Variants in ANGPTL5 observed in about 807,000 individuals in gnomAD.
ANGPTL5 encodes angiopoietin-related protein 5.
In ANGPTL5, 34 loss-of-function variants were observed where a neutral mutation model predicts 39.4. The ratio of observed to expected loss-of-function variants is 0.86; its 90% CI spans 0.66 to 1.15. The LOEUF is 1.15. Among genes scored for constraint, ANGPTL5 ranks in the 50% most tolerant of loss-of-function variants. ANGPTL5 has a pLI of 0.00. For missense variants in ANGPTL5, 467 were observed against 457.5 expected (o/e 1.02, Z -0.19); for synonymous variants, 146 against 152.1 (o/e 0.96, Z 0.29).
chr11:101,908,854 A>T (rs1327596482), intron 1 of ANGPTL5, among the ~76,000 whole-genome samples: 1 of 152,144 alleles, frequency 6.6e-6, no homozygotes, highest in African/African-American at 2.4e-5. Flanking sequence ...TCTAATTACA[A>T]CTATTTTGTT....
chr11:101,906,488 T>G (rs1939999292), intron 3 of ANGPTL5, among the ~76,000 whole-genome samples: 2 of 152,154 alleles, frequency 1.3e-5, no homozygotes, highest in African/African-American at 2.4e-5. Context: ...TGAGACCATG[T>G]TGCCATGATG....
At position 101,894,983 on chromosome 11, in the gene ANGPTL5, T is replaced by A; in HGVS notation, c.743A>T (p.Glu248Val). The change falls in exon 8 of 9, where the codon GAA (glutamate) becomes GTA (valine). Residue 248 changes from glutamate (E) to valine (V), a missense_variant. Glu to Val is a moderately radical substitution (Grantham distance 121). Coordinates refer to ENST00000334289, the MANE Select transcript of ANGPTL5 (RefSeq NM_178127.5). ...NTSFMLYVAL[E>V]SEDDTLAYAS... ...ATAAGCAAGAGTGTCATCTTCAGAT[T>A]CCAAAGCCACATACAGCATAAAACT... The A allele has an allele frequency of 6.2e-7, 1 of 1,612,302 alleles. No individual in the cohort carries two copies. Among genetic ancestry groups the A allele is most frequent in the Non-Finnish European group, 8.5e-7 (1 of 1,178,490 alleles).
chr11:101,907,272 G>A (rs1255097271), intron 2 of ANGPTL5, 25 bp from the exon 3 acceptor site: 11 of 1,342,674 alleles, frequency 8.2e-6, no homozygotes, highest in African/African-American at 4.5e-5. Context: ...ATAGAAATAA[G>A]AAAAAAATAC....
chr11:101,907,062 A>G, intron 3 of ANGPTL5, 41 bp downstream of exon 3: 1 of 1,416,754 alleles, frequency 7.1e-7, no homozygotes, highest in Non-Finnish European at 9.7e-7. Context: ...AAAAATAATG[A>G]ATCATATACT....
intron 7 of ANGPTL5, among the ~76,000 whole-genome samples, chr11:101,895,863 G>C (rs1320032851): frequency 6.6e-6 from 1 of 152,088 alleles, no homozygotes; most frequent in South Asian, 2.1e-4. Flanking sequence ...AAGAAAATAA[G>C]GGTCCAGTCA....
intron 8 of ANGPTL5, among the ~76,000 whole-genome samples, chr11:101,894,206 A>G (rs1424039074): frequency 6.6e-6 from 1 of 152,226 alleles, no homozygotes; most frequent in Non-Finnish European, 1.5e-5. Flanking sequence ...CTGGGAACAT[A>G]TATCATTTAT....
At position 101,907,853 on chromosome 11, in the gene ANGPTL5, A is replaced by G; in HGVS notation, c.57T>C (p.Cys19=). ...LLFLNVCIFI[C]GEAVQGNCVH... is the part of the protein sequence containing the mutation. ...CACAGTTACCTTGTACAGCTTCTCC[A>G]CAAATAAAAATACATACATTTAAGA... The change falls in exon 2 of 9, where the codon TGT becomes TGC. Residue 19 remains cysteine (C), a synonymous_variant. Coordinates refer to ENST00000334289, the MANE Select transcript of ANGPTL5 (RefSeq NM_178127.5). 6.2e-7 allele frequency: 1 copy of G among 1,610,864 alleles called. No homozygotes were observed. The highest frequency in any genetic ancestry group is 8.5e-7 in the Non-Finnish European group (1 of 1,177,266).
intron 1 of ANGPTL5, among the ~76,000 whole-genome samples, chr11:101,909,835 T>G (rs1433906711): frequency 6.6e-6 from 1 of 152,268 alleles, no homozygotes; most frequent in Non-Finnish European, 1.5e-5. Context: ...TGAGTTCCTC[T>G]GTAGCAAACT....
intron 5 of ANGPTL5, among the ~76,000 whole-genome samples, chr11:101,903,331 T>C (rs1806735175): frequency 6.6e-6 from 1 of 152,170 alleles, no homozygotes; most frequent in East Asian, 1.9e-4. Context: ...AAAGCACTCA[T>C]CTCCCCAGGA....
chr11:101,912,869 T>G (rs1467884203), intron 1 of ANGPTL5, among the ~76,000 whole-genome samples: 1 of 152,186 alleles, frequency 6.6e-6, no homozygotes, highest in Admixed American at 6.5e-5. Flanking sequence ...GTAGAGATCA[T>G]TAGACTGACG....
rs1315721169 is a variant in ANGPTL5 at position 101,895,004 on chromosome 11, A to G, written c.722T>C (p.Phe241Ser). The G allele has an allele frequency of 6.2e-7, 1 of 1,609,712 alleles. No individual in the cohort carries two copies. The change falls in exon 8 of 9, where the codon TTT becomes TCT. Residue 241 changes from phenylalanine to serine, a missense_variant. Phe to Ser is a radical substitution (Grantham distance 155). Coordinates refer to ENST00000334289, the MANE Select transcript of ANGPTL5 (RefSeq NM_178127.5). ...FYIVNQKNTS[F>S]MLYVALESED... ...AGATTCCAAAGCCACATACAGCATAAAACTGGTATTTTTCTGATTTACTAT... is the reference window on the plus strand; with the variant it reads ...AGATTCCAAAGCCACATACAGCATAGAACTGGTATTTTTCTGATTTACTAT...
intron 1 of ANGPTL5, among the ~76,000 whole-genome samples, chr11:101,914,195 T>TTTTCCAA (rs1293463839): frequency 2.6e-5 from 4 of 152,244 alleles, no homozygotes; most frequent in African/African-American, 4.8e-5. Flanking sequence ...GGTCTGTACT[T>TTTTCCAA]TCTGCTTCCA....
At chr11:101,910,424 A>AAAATATATATATAT (rs1469724609) in intron 1 of ANGPTL5, among the ~76,000 whole-genome samples, 4 of 127,216 alleles carry the variant, frequency 3.1e-5, no homozygotes, top group Non-Finnish European at 4.8e-5. Flanking sequence ...AAAAAAAAAA[A>AAAATATATATATAT]ATATATATAT....
At position 101,916,439 on chromosome 11, in the gene ANGPTL5, A is replaced by G. The variant is rs931037827; in HGVS notation, c.-513T>C. 2 of 152,234 alleles carry G rather than the reference A, an allele frequency of 1.3e-5. No homozygotes were observed. Among genetic ancestry groups the G allele is most frequent in the African/African-American group, 4.8e-5 (2 of 41,452 alleles). The allele number at this position is 152,234 out of a possible 1,614,324, so 9.4% of individuals were successfully genotyped here. A position where few individuals can be genotyped will look rare whatever the true frequency, so the allele number is the denominator to read the frequency against. On this transcript the variant is annotated 5_prime_UTR_variant, in exon 1 of 9. Coordinates refer to ENST00000334289, the MANE Select transcript of ANGPTL5 (RefSeq NM_178127.5). ...CTCTTCTCCGATCATGCTTTCTGCA[A>G]TCTTCCATCCCTTCAGTCTTTTCTT... is the stretch of plus-strand genomic sequence containing the variant.
intron 1 of ANGPTL5, among the ~76,000 whole-genome samples, chr11:101,910,699 T>G (rs970675529): frequency 2.6e-5 from 4 of 152,090 alleles, no homozygotes; most frequent in African/African-American, 4.8e-5. Context: ...CACATTTGAC[T>G]TTTTTTCTCT....
intron 5 of ANGPTL5, 106 bp downstream of exon 5, chr11:101,904,708 G>A (rs1002402421): frequency 3.1e-6 from 3 of 980,834 alleles, no homozygotes; most frequent in Non-Finnish European, 3.2e-6. Flanking sequence ...TTAGAGAACG[G>A]TGAGCTGTAG....
At chr11:101,900,376 G>C in intron 7 of ANGPTL5, 54 bp downstream of exon 7, 6 of 1,557,472 alleles carry the variant, frequency 3.9e-6, no homozygotes, top group Non-Finnish European at 5.3e-6. Flanking sequence ...AGGCTCTATA[G>C]ATATAATATC....
chr11:101,901,512 A>C (rs1373808417), intron 6 of ANGPTL5, among the ~76,000 whole-genome samples: 2 of 152,120 alleles, frequency 1.3e-5, no homozygotes, highest in Admixed American at 1.3e-4. Context: ...CACCCATAGA[A>C]GCGATATAGG....
chr11:101,910,721 A>G (rs1316883573), intron 1 of ANGPTL5, among the ~76,000 whole-genome samples: 1 of 152,120 alleles, frequency 6.6e-6, no homozygotes, highest in Non-Finnish European at 1.5e-5. Context: ...GCTTACTGCA[A>G]CCATCCACCA....
Sources: allele counts gnomAD v4.1 joint callset (sites outside exome capture counted in the v4.1 genomes callset), GRCh38; gene constraint gnomAD v4.1.1; transcripts MANE v1.5; gene names NCBI Gene and HGNC (gene_info 2026-07-23, HGNC 2026-07-21).